RYR1: variants seen among roughly 807,000 people sequenced by gnomAD.
The protein encoded by RYR1 is central core disease of muscle.
RYR1 carries 342 observed loss-of-function variants against 583.5 expected under a neutral mutation model. The observed-to-expected ratio is 0.59, with a 90% CI of 0.54 to 0.64. The LOEUF (loss-of-function observed/expected upper bound fraction) is 0.64. Ranked by LOEUF, RYR1 falls within the 30% of genes least tolerant of loss-of-function variation. The pLI is 0.00. For missense variants in RYR1, 6,032 were observed against 6,917.2 expected, an observed-to-expected ratio of 0.87 and a Z score of 4.54; for synonymous variants, 2,791 against 2,822.5, an observed-to-expected ratio of 0.99 and a Z score of 0.35.
chr19:38,504,499 G>A, intron 50 of RYR1, 139 bp downstream of exon 50: 1 of 1,217,572 alleles, frequency 8.2e-7, no homozygotes, highest in Non-Finnish European at 1.1e-6. Flanking sequence ...GAGGATCTAT[G>A]GGTTGAGGCT....
At chr19:38,485,249 C>T (rs1365763954) in intron 33 of RYR1, among the ~76,000 whole-genome samples, 2 of 152,108 alleles carry the variant, frequency 1.3e-5, no homozygotes, top group Admixed American at 6.6e-5. Context: ...CCAGAGGTAT[C>T]CCAGGGGCCC....
intron 93 of RYR1, among the ~76,000 whole-genome samples, chr19:38,568,735 G>T (rs928779206): frequency 1.5e-4 from 21 of 140,690 alleles, no homozygotes; most frequent in Non-Finnish European, 9.3e-5. Flanking sequence ...CTGGGCGACA[G>T]AGTGAGACTC....
chr19:38,586,647 G>A, intron 105 of RYR1, 71 bp downstream of exon 105: 2 of 1,437,156 alleles, frequency 1.4e-6, no homozygotes, highest in South Asian at 2.3e-5. Context: ...GTCAGTAGGT[G>A]GCAGTAAAAA....
chr19:38,497,174 G>T (rs371563892), intron 42 of RYR1, among the ~76,000 whole-genome samples: 3 of 149,354 alleles, frequency 2.0e-5, no homozygotes, highest in African/African-American at 7.5e-5. Context: ...CACGCTTCCC[G>T]TCTGGGGGCA....
chr19:38,546,517 C>T lies in RYR1; in HGVS notation c.12085C>T (p.Leu4029=). The change falls in exon 88 of 106, where the codon CTA becomes TTA. Residue 4029 remains leucine (L), a synonymous_variant. Transcript: ENST00000359596. ...QKDMVVMLLS[L]LEGNVVNGMI... ...GGACATGGTGGTGATGTTGCTGTCG[C>T]TACTAGAAGGTAAACACCCAGGAGT... The T allele has an allele frequency of 6.2e-7, 1 of 1,613,198 alleles. No individual in the cohort carries two copies. Among genetic ancestry groups the T allele is most frequent in the Non-Finnish European group, 8.5e-7 (1 of 1,179,748 alleles).
In RYR1 at chr19:38,537,971, G is replaced by A. The variant is rs934539192; in HGVS notation, c.11689+11G>A. On this transcript the variant is annotated intron_variant, in intron 84 of 105. Transcript: ENST00000359596. ...AGGGGCACAATAATGGTGAGGAGGAGGGGTGTGGGGTGGAGGGGAAGCCGA... is the reference window on the plus strand; with the variant it reads ...AGGGGCACAATAATGGTGAGGAGGAAGGGTGTGGGGTGGAGGGGAAGCCGA... The A allele has an allele frequency of 6.2e-7, 1 of 1,608,936 alleles. No homozygotes were observed. The highest frequency in any genetic ancestry group is 8.5e-7 in the Non-Finnish European group (1 of 1,175,564).
rs938935182 is a variant in RYR1, at chr19:38,444,642, G to A, written c.596G>A (p.Trp199Ter). ...GACGCTTCCTTCATGCAGACACTAT[G>A]GAACATGAACCCCATCTGCTCCCGC... ...QVDASFMQTL[W>*]NMNPICSRCE... The change falls in exon 7 of 106, where the codon TGG (tryptophan) becomes TAG (stop). Residue 199 changes from tryptophan to a stop codon, truncating the protein, a stop_gained. Transcript: ENST00000359596. LOFTEE classifies it high-confidence loss of function. The surrounding 1 kb of genome is among the most constrained non-coding windows in gnomAD (Gnocchi z 5.1). 4.3e-6 allele frequency: 7 copies of A among 1,613,902 alleles called. No homozygotes were observed. Among genetic ancestry groups the A allele is most frequent in the Non-Finnish European group, 5.9e-6 (7 of 1,179,940 alleles).
rs577361431 is a variant in RYR1, at chr19:38,481,373, C to T, written c.4621-1654C>T. ...AACTCCTGACCTCAAACTATTCGCC[C>T]ACCTCCACCTCCCATGTAATCCCAG... is the stretch of plus-strand genomic sequence containing the variant. On this transcript the variant is annotated intron_variant, in intron 31 of 105. Transcript: ENST00000359596. 2.0e-5 allele frequency among the ~76,000 whole-genome samples: 3 copies of T among 152,214 alleles called. No homozygotes were observed. The South Asian group carries it at 6.2e-4, about 32-fold the overall frequency.
chr19:38,486,940 T>G (rs570180334), intron 34 of RYR1, among the ~76,000 whole-genome samples: 1 of 152,232 alleles, frequency 6.6e-6, no homozygotes, highest in Non-Finnish European at 1.5e-5. Context: ...CATTCATTCA[T>G]TCATGTACCC....
chr19:38,514,842 T>G (rs1370199717), intron 63 of RYR1, among the ~76,000 whole-genome samples, 184 bp from the exon 64 acceptor site: 1 of 151,828 alleles, frequency 6.6e-6, no homozygotes, highest in African/African-American at 2.4e-5. Context: ...ATGTTACAGG[T>G]AGGGAAGCTG....
intron 76 of RYR1, among the ~76,000 whole-genome samples, chr19:38,531,364 A>G (rs1196810882): frequency 6.6e-6 from 1 of 151,986 alleles, no homozygotes; most frequent in Non-Finnish European, 1.5e-5. Flanking sequence ...CACCGATAAA[A>G]TAGGGCTATT....
chr19:38,504,891 C>A lies in RYR1; in HGVS notation c.8211C>A (p.Pro2737=). The change falls in exon 51 of 106, where the codon CCC becomes CCA. Residue 2737 remains proline (P), a synonymous_variant. Transcript: ENST00000359596. ...TGGATGCTGAAGGCAACTTTGATCC[C>A]CGGCCTGTGGAGACCCTCAAGTGAG... ...ATVDAEGNFD[P]RPVETLNVII... 2 of 1,614,138 alleles carry A rather than the reference C, an allele frequency of 1.2e-6. No individual in the cohort carries two copies. Among genetic ancestry groups the A allele is most frequent in the Non-Finnish European group, 1.7e-6 (2 of 1,180,026 alleles).
chr19:38,573,107 T>C, intron 95 of RYR1, 70 bp from the exon 96 acceptor site: 1 of 1,605,844 alleles, frequency 6.2e-7, no homozygotes, highest in Non-Finnish European at 8.5e-7. Context: ...CAAGATGTCA[T>C]GGCTTCTGCT....
rs1362843407 is a variant in RYR1 at position 38,486,057 on chromosome 19, C to A, written c.5402C>A (p.Ala1801Asp). 1 of 1,612,464 alleles carries A rather than the reference C, an allele frequency of 6.2e-7. No individual in the cohort carries two copies. Among genetic ancestry groups the A allele is most frequent in the African/African-American group, 1.3e-5 (1 of 74,916 alleles). ...AAEAPARLSP[A>D]IPLEALRDKA... ...GAGGCCCCGGCCCGCCTCAGCCCTG[C>A]CATCCCGCTGGAGGCCCTGCGGGAC... The change falls in exon 34 of 106, where the codon GCC becomes GAC. Residue 1801 changes from alanine to aspartate, a missense_variant. Ala to Asp is a moderately radical substitution (Grantham distance 126, BLOSUM62 -2). This residue lies in a region of RYR1 where 2,627 missense variants were observed against 2,961.3 expected (regional missense o/e 0.89). Coordinates refer to ENST00000359596, the MANE Select transcript of RYR1 (RefSeq NM_000540.3).
chr19:38,511,358 C>T (rs992364885), intron 60 of RYR1, among the ~76,000 whole-genome samples: 6 of 151,992 alleles, frequency 3.9e-5, no homozygotes, highest in Admixed American at 2.6e-4. Context: ...CCCCAGCATC[C>T]CAGTTACTGC....
chr19:38,580,277 A>C, intron 100 of RYR1, 93 bp from the exon 101 acceptor site: 1 of 1,546,644 alleles, frequency 6.5e-7, no homozygotes, highest in Non-Finnish European at 8.8e-7. Context: ...AGGTAGAGCC[A>C]CAGGGACTGA....
In RYR1 at chr19:38,572,198, C is replaced by T. The variant is rs559685703; in HGVS notation, c.13926C>T (p.Pro4642=). The T allele has an allele frequency of 1.3e-4, 217 of 1,613,998 alleles. 1 individual carries two copies. The South Asian group carries it at 2.1e-3, about 15-fold the overall frequency. The stretch of plus-strand genomic sequence containing the variant: ...AGGAAAGCACAGGCTACATGGAACC[C>T]GCCCTGCGGTGTCTGAGCCTCCTGC... ...FLEESTGYME[P]ALRCLSLLHT... The change falls in exon 95 of 106, where the codon CCC becomes CCT. Residue 4642 remains proline, a synonymous_variant. Coordinates refer to ENST00000359596, the MANE Select transcript of RYR1 (RefSeq NM_000540.3).
intron 53 of RYR1, 91 bp from the exon 54 acceptor site, chr19:38,505,715 G>C: frequency 6.6e-7 from 1 of 1,508,830 alleles, no homozygotes. Flanking sequence ...CCATTGCCTA[G>C]CCACATGGTC....
chr19:38,544,550 T>C (rs892833213), intron 87 of RYR1, among the ~76,000 whole-genome samples: 1 of 152,186 alleles, frequency 6.6e-6, no homozygotes, highest in Non-Finnish European at 1.5e-5. Flanking sequence ...ATAGTTTAGT[T>C]TTCCAGCAGA....
Sources: allele counts gnomAD v4.1 joint callset (sites outside exome capture counted in the v4.1 genomes callset), GRCh38; gene constraint gnomAD v4.1.1; regional missense constraint gnomAD v4.1.1; non-coding constraint Gnocchi (gnomAD v3.1); transcripts MANE v1.5; gene names NCBI Gene and HGNC (gene_info 2026-07-23, HGNC 2026-07-21).